Variants in DDX6 observed in about 807,000 individuals in gnomAD.
DDX6 encodes the protein DEAD-box helicase 6.
A neutral mutation model predicts 60.6 loss-of-function variants in DDX6; 7 were observed. That is an observed-to-expected ratio of 0.12 (90% CI 0.07 to 0.22). The LOEUF (loss-of-function observed/expected upper bound fraction) is 0.22. DDX6 is among the 10% of genes least tolerant of loss of function. The pLI is 1.00. For missense variants in DDX6, 270 were observed against 589.9 expected (o/e 0.46, Z 5.62); for synonymous variants, 207 against 201.0 (o/e 1.03, Z -0.25).
intron 1 of DDX6, chr11:118,787,713 G>C (rs1862124361): frequency 6.6e-6 from 1 of 152,060 alleles, no homozygotes; most frequent in Non-Finnish European, 1.5e-5. Flanking sequence ...AAATGAAGCA[G>C]TCAAGAGAAT....
chr11:118,769,316 T>C (rs1015118952), intron 4 of DDX6, among the ~76,000 whole-genome samples: 5 of 152,136 alleles, frequency 3.3e-5, no homozygotes, highest in Admixed American at 6.6e-5. Flanking sequence ...AATAAGTAAA[T>C]CTCCAATGTC....
At chr11:118,772,486 T>C (rs1316083626) in intron 4 of DDX6, among the ~76,000 whole-genome samples, 1 of 152,160 alleles carries the variant, frequency 6.6e-6, no homozygotes, top group Non-Finnish European at 1.5e-5. Flanking sequence ...CAGTGGTTGT[T>C]TAGGGGTGTG....
chr11:118,748,024 A>AG lies in DDX6; in HGVS notation c.*4080dup, dbSNP rs1860620424. Reference sequence around the variant, plus strand: ...TCAGTGGAACTGGTCCCTTGTGGCTAGGGACATTGGAATTCTCTACCATTT... The same window carrying AG: ...TCAGTGGAACTGGTCCCTTGTGGCTAGGGGACATTGGAATTCTCTACCATTT... On this transcript the variant is annotated 3_prime_UTR_variant, in exon 14 of 14. Transcript: ENST00000534980. 6.6e-6 allele frequency: 1 copy of AG among 150,894 alleles called. No homozygotes were observed. The highest frequency in any genetic ancestry group is 1.5e-5 in the Non-Finnish European group (1 of 67,934). 9.3% of individuals were successfully genotyped at this position (150,894 alleles called of 1,614,324 possible).
chr11:118,781,299 T>G (rs1555164673), intron 2 of DDX6, 115 bp from the exon 3 acceptor site: 4 of 624,972 alleles, frequency 6.4e-6, no homozygotes, highest in African/African-American at 1.8e-5. Context: ...TATATTCCAT[T>G]TAATATATCT....
chr11:118,773,495 C>T (rs782270415), intron 4 of DDX6, among the ~76,000 whole-genome samples: 2 of 152,072 alleles, frequency 1.3e-5, no homozygotes, highest in Non-Finnish European at 2.9e-5. Flanking sequence ...TGGCGTGAAC[C>T]CAGGAGGCAG....
chr11:118,763,645 C>T (rs1354286700), intron 6 of DDX6, among the ~76,000 whole-genome samples: 2 of 151,894 alleles, frequency 1.3e-5, no homozygotes, highest in Admixed American at 6.6e-5. Flanking sequence ...ACCAGCCTGG[C>T]CAACACGGTG....
rs1860730365 is a variant in DDX6 at position 118,750,726 on chromosome 11, A to C, written c.*1379T>G. ...TTTGCCCCCTGTTGCAGAGCTTGAA[A>C]TATTCCTCAAACTTTTAGAAAGGGG... On this transcript the variant is annotated 3_prime_UTR_variant, in exon 14 of 14. Coordinates refer to ENST00000534980, the MANE Select transcript of DDX6 (RefSeq NM_004397.6). The C allele has an allele frequency of 6.6e-6, 1 of 152,180 alleles. No homozygotes were observed. The highest frequency in any genetic ancestry group is 2.4e-5 in the African/African-American group (1 of 41,452). The allele number at this position is 152,180 out of a possible 1,614,324, so 9.4% of individuals were successfully genotyped here. A position where few individuals can be genotyped will look rare whatever the true frequency, so the allele number is the denominator to read the frequency against.
At chr11:118,784,483 G>C (rs1285495177) in intron 2 of DDX6, among the ~76,000 whole-genome samples, 1 of 150,532 alleles carries the variant, frequency 6.6e-6, no homozygotes, top group Non-Finnish European at 1.5e-5. Context: ...TTTTGAGATG[G>C]AGTATTTCTC....
intron 13 of DDX6, among the ~76,000 whole-genome samples, chr11:118,752,373 C>CT (rs1277409782): frequency 6.6e-6 from 1 of 152,210 alleles, no homozygotes; most frequent in Non-Finnish European, 1.5e-5. Context: ...ACTGAATACT[C>CT]TGCCAAAGTA....
intron 4 of DDX6, among the ~76,000 whole-genome samples, chr11:118,774,484 T>TG (rs1861636328): frequency 7.3e-6 from 1 of 137,102 alleles, no homozygotes; most frequent in Admixed American, 7.3e-5. Context: ...TTTTTTTTTT[T>TG]GTGAGACAGG....
intron 4 of DDX6, among the ~76,000 whole-genome samples, chr11:118,777,047 A>C (rs964950947): frequency 1.3e-5 from 2 of 151,842 alleles, no homozygotes; most frequent in Non-Finnish European, 2.9e-5. Flanking sequence ...AACACAGCTC[A>C]ATTCTTCCAG....
rs1336179042 is a variant in DDX6 at position 118,751,066 on chromosome 11, T to G, written c.*1039A>C. On this transcript the variant is annotated 3_prime_UTR_variant, in exon 14 of 14. Transcript: ENST00000534980. ...TCATCCAAAAAAAAATATATATATA[T>G]GTATATATATATATATATATGAACC... 2.5e-5 allele frequency: 3 copies of G among 121,284 alleles called. No homozygotes were observed. Among genetic ancestry groups the G allele is most frequent in the Non-Finnish European group, 5.2e-5 (3 of 57,270 alleles). The allele number at this position is 121,284 out of a possible 1,614,324, so 7.5% of individuals were successfully genotyped here.
chr11:118,765,470 G>A (rs1466023564), intron 5 of DDX6, 115 bp from the exon 6 acceptor site: 1 of 1,087,850 alleles, frequency 9.2e-7, no homozygotes, highest in Non-Finnish European at 1.4e-6. Flanking sequence ...TTATGATGCA[G>A]TGGCTCACAC....
chr11:118,763,327 A>G, intron 6 of DDX6, 21 bp from the exon 7 acceptor site: 1 of 1,537,482 alleles, frequency 6.5e-7, no homozygotes, highest in Non-Finnish European at 9.0e-7. Flanking sequence ...TTTAGAAAAC[A>G]TACATTCTCA....
At chr11:118,776,706 G>A (rs1227889611) in intron 4 of DDX6, among the ~76,000 whole-genome samples, 3 of 151,862 alleles carry the variant, frequency 2.0e-5, no homozygotes, top group African/African-American at 7.3e-5. Context: ...TGTGGTGCAC[G>A]CCTGTAGTCC....
intron 3 of DDX6, 102 bp downstream of exon 3, chr11:118,781,019 T>A (rs913250129): frequency 1.8e-4 from 130 of 714,780 alleles, no homozygotes; most frequent in Non-Finnish European, 3.1e-4. Context: ...GTGGCAGTGG[T>A]GTTATGGTCC....
chr11:118,781,386 G>A (rs552094156), intron 2 of DDX6, among the ~76,000 whole-genome samples: 1 of 152,202 alleles, frequency 6.6e-6, no homozygotes, highest in African/African-American at 2.4e-5. Flanking sequence ...AAGAACAGAA[G>A]GGATTAAGGC....
chr11:118,766,301 G>C (rs1362593099), intron 5 of DDX6, among the ~76,000 whole-genome samples: 2 of 151,486 alleles, frequency 1.3e-5, no homozygotes, highest in African/African-American at 4.9e-5. Context: ...GGGAATGGTG[G>C]CATGTGCCTA....
chr11:118,786,187 C>T lies in DDX6; in HGVS notation c.65G>A (p.Arg22Lys), dbSNP rs1190376529. Residue 22 changes from arginine to lysine, a missense_variant, in exon 2 of 14, where the codon AGA becomes AAA. Arg to Lys is a conservative substitution (Grantham distance 26, BLOSUM62 2). Coordinates refer to ENST00000534980, the MANE Select transcript of DDX6 (RefSeq NM_004397.6). ...MGLSSQNGQL[R>K]GPVKPTGGPG... ...GCCACCAGTGGGTTTCACAGGGCCT[C>T]TCAGCTGACCATTTTGACTGGACAG... 6.2e-7 allele frequency: 1 copy of T among 1,613,852 alleles called. No homozygotes were observed. Among genetic ancestry groups the T allele is most frequent in the African/African-American group, 1.3e-5 (1 of 74,902 alleles).
Sources: allele counts gnomAD v4.1 joint callset (sites outside exome capture counted in the v4.1 genomes callset), GRCh38; gene constraint gnomAD v4.1.1; transcripts MANE v1.5; gene names NCBI Gene and HGNC (gene_info 2026-07-23, HGNC 2026-07-21).